Variants in MEIOSIN observed in about 807,000 individuals in gnomAD.
MEIOSIN encodes the protein meiosis initiator protein.
MEIOSIN carries 18 observed loss-of-function variants against 23.4 expected under a neutral mutation model. The ratio of observed to expected loss-of-function variants is 0.77; its 90% confidence interval spans 0.53 to 1.14. The LOEUF (loss-of-function observed/expected upper bound fraction) is 1.14, where lower values mean the gene tolerates loss of function less well. Among genes scored for constraint, MEIOSIN ranks in the 50% most tolerant of loss-of-function variants. The pLI, the probability that MEIOSIN is intolerant of heterozygous loss-of-function variation, is 0.00. For synonymous variants in MEIOSIN, 187 were observed against 100.6 expected, an observed-to-expected ratio of 1.86 and a Z score of -5.14; for missense variants, 428 against 242.9, an observed-to-expected ratio of 1.76 and a Z score of -5.07.
Position 45,758,406 on chromosome 19 carries a change from C to T in MEIOSIN, c.1013-472C>T, listed in dbSNP as rs745942430. On this transcript the variant is annotated intron_variant, in intron 9 of 14. Coordinates refer to ENST00000457052, the MANE Select transcript of MEIOSIN (RefSeq NM_001310124.2). ...TGGCCATCCCTGACATAATGCCAAA[C>T]ATCATTTTGCTTCATTTCTTCTTCT... 8.6e-5 allele frequency among the ~76,000 whole-genome samples: 13 copies of T among 151,740 alleles called. 1 individual carries two copies. Among genetic ancestry groups the T allele is most frequent in the Admixed American group, 2.6e-4 (4 of 15,204 alleles).
At chr19:45,756,988 G>T (rs1393762504) in intron 8 of MEIOSIN, among the ~76,000 whole-genome samples, 189 bp from the exon 9 acceptor site, 1 of 152,104 alleles carries the variant, frequency 6.6e-6, no homozygotes, top group African/African-American at 2.4e-5. Flanking sequence ...AGCGCCCTCG[G>T]TCACAGCACT....
chr19:45,759,532 G>A (rs946832055), intron 11 of MEIOSIN, 42 bp downstream of exon 11: 7 of 700,880 alleles, frequency 1.0e-5, no homozygotes, highest in Non-Finnish European at 1.8e-5. Context: ...ACATCCATCC[G>A]TCTTTCCACA....
chr19:45,747,785 CAG>C (rs1968621309), intron 4 of MEIOSIN, among the ~76,000 whole-genome samples: 1 of 152,072 alleles, frequency 6.6e-6, no homozygotes, highest in African/African-American at 2.4e-5. Context: ...GAAAGAGAGA[CAG>C]AGAGAAAGAG....
At position 45,761,919 on chromosome 19, in the gene MEIOSIN, C is replaced by T; in HGVS notation, c.1435-20C>T. The T allele has an allele frequency of 1.6e-6, 1 of 606,472 alleles. No individual in the cohort carries two copies. Among genetic ancestry groups the T allele is most frequent in the South Asian group, 1.9e-5 (1 of 53,110 alleles). 37.6% of individuals were successfully genotyped at this position (606,472 alleles called of 1,614,324 possible). A position where few individuals can be genotyped will look rare whatever the true frequency, so the allele number is the denominator to read the frequency against. ...CCAGCAGGGCCTCCTTCCTCTCTCA[C>T]CACCCTCTCCCTCCCCCAGGATATG... On this transcript the variant is annotated intron_variant, in intron 12 of 14. Coordinates refer to ENST00000457052, the MANE Select transcript of MEIOSIN (RefSeq NM_001310124.2).
chr19:45,763,311 C>T (rs1968986309), intron 13 of MEIOSIN, 27 bp from the exon 14 acceptor site: 1 of 398,786 alleles, frequency 2.5e-6, no homozygotes, highest in South Asian at 1.3e-4. Context: ...CAGACCTCTC[C>T]TTACCTCCTC....
At chr19:45,734,055 T>C (rs1306659258) in intron 1 of MEIOSIN, among the ~76,000 whole-genome samples, 1 of 152,080 alleles carries the variant, frequency 6.6e-6, no homozygotes, top group Non-Finnish European at 1.5e-5. Context: ...TGATGTAACA[T>C]TTTGAGAGTC....
chr19:45,761,568 C>G (rs1438167589), intron 11 of MEIOSIN, 111 bp from the exon 12 acceptor site: 1 of 594,268 alleles, frequency 1.7e-6, no homozygotes, highest in Admixed American at 2.6e-5. Flanking sequence ...CCACACCCTG[C>G]CAATCTGAGC....
At chr19:45,761,220 A>G (rs886478833) in intron 11 of MEIOSIN, among the ~76,000 whole-genome samples, 1 of 150,118 alleles carries the variant, frequency 6.7e-6, no homozygotes, top group African/African-American at 2.5e-5. Context: ...CGCCTCCTGG[A>G]TTTAAGCGAT....
rs747742446 is a variant in MEIOSIN at position 45,764,465 on chromosome 19, C to T, written c.*347C>T. 3.9e-5 allele frequency: 10 copies of T among 253,862 alleles called. No homozygotes were observed. Among genetic ancestry groups the T allele is most frequent in the Middle Eastern group, 2.3e-3 (2 of 874 alleles). The allele number at this position is 253,862 out of a possible 1,614,324, so 15.7% of individuals were successfully genotyped here. On this transcript the variant is annotated 3_prime_UTR_variant, in exon 15 of 15. Coordinates refer to ENST00000457052, the MANE Select transcript of MEIOSIN (RefSeq NM_001310124.2). ...TGTTCATGCTCACCTCACCCTACTCCTCCCTCTCCTGTTCTATTTTTAGAC... is the reference window on the plus strand; with the variant it reads ...TGTTCATGCTCACCTCACCCTACTCTTCCCTCTCCTGTTCTATTTTTAGAC...
chr19:45,761,563 C>T (rs747513525), intron 11 of MEIOSIN, 116 bp from the exon 12 acceptor site: 2 of 589,954 alleles, frequency 3.4e-6, no homozygotes, highest in East Asian at 2.9e-5. Flanking sequence ...AGCCACCACA[C>T]CCTGCCAATC....
intron 4 of MEIOSIN, among the ~76,000 whole-genome samples, 156 bp from the exon 5 acceptor site, chr19:45,750,519 C>T (rs1322159066): frequency 1.3e-5 from 2 of 152,030 alleles, no homozygotes; most frequent in African/African-American, 2.4e-5. Flanking sequence ...GCCACCACAC[C>T]CAGCTAATTT....
At chr19:45,746,816 G>A (rs1968603857) in intron 4 of MEIOSIN, among the ~76,000 whole-genome samples, 2 of 148,018 alleles carry the variant, frequency 1.4e-5, no homozygotes, top group African/African-American at 5.0e-5. Flanking sequence ...GCAAGACTCT[G>A]TCTCAAAAGA....
chr19:45,764,238 C>T lies in MEIOSIN; in HGVS notation c.*120C>T. ...CCTCCAGCCCCTGAGAATGCAGGTC[C>T]CATGGGACTGGGGAGGGGGGCACTG... On this transcript the variant is annotated 3_prime_UTR_variant, in exon 15 of 15. Coordinates refer to ENST00000457052, the MANE Select transcript of MEIOSIN (RefSeq NM_001310124.2). 2.5e-6 allele frequency: 1 copy of T among 397,764 alleles called. No homozygotes were observed. Among genetic ancestry groups the T allele is most frequent in the Non-Finnish European group, 4.4e-6 (1 of 225,874 alleles). The allele number at this position is 397,764 out of a possible 1,614,324, so 24.6% of individuals were successfully genotyped here. A position where few individuals can be genotyped will look rare whatever the true frequency, so the allele number is the denominator to read the frequency against.
intron 13 of MEIOSIN, among the ~76,000 whole-genome samples, chr19:45,762,917 G>A (rs1373990823): frequency 1.3e-5 from 2 of 152,204 alleles, no homozygotes; most frequent in African/African-American, 4.8e-5. Flanking sequence ...ACCCCAGGAG[G>A]CACAGGCTCG....
intron 8 of MEIOSIN, among the ~76,000 whole-genome samples, 173 bp from the exon 9 acceptor site, chr19:45,757,004 C>A (rs942200138): frequency 1.3e-5 from 2 of 152,170 alleles, no homozygotes; most frequent in South Asian, 4.1e-4. Flanking sequence ...GCACTGCTTA[C>A]GGGCTGGGCT....
At chr19:45,751,613 C>T (rs992919722) in intron 5 of MEIOSIN, among the ~76,000 whole-genome samples, 14 of 150,616 alleles carry the variant, frequency 9.3e-5, no homozygotes, top group Middle Eastern at 3.4e-3. Context: ...CTGCTCACTG[C>T]GACCTCTGCC....
chr19:45,734,333 G>A (rs1968373538), intron 1 of MEIOSIN, among the ~76,000 whole-genome samples: 1 of 152,082 alleles, frequency 6.6e-6, no homozygotes. Context: ...GGAGAAGTGA[G>A]ATTTGTTTCA....
At position 45,760,677 on chromosome 19, in the gene MEIOSIN, C is replaced by G. The variant is rs531563409; in HGVS notation, c.1246-1002C>G. On this transcript the variant is annotated intron_variant, in intron 11 of 14. Coordinates refer to ENST00000457052, the MANE Select transcript of MEIOSIN (RefSeq NM_001310124.2). ...GGCGTGGTGGCTCATGCCTATACTT[C>G]TAGCACTTTGGGAGGCTGAGGCGGG... Among the ~76,000 whole-genome samples the G allele has an allele frequency of 2.0e-4, 30 of 152,134 alleles. No homozygotes were observed. The South Asian group carries it at 6.0e-3, about 31-fold the overall frequency.
intron 3 of MEIOSIN, among the ~76,000 whole-genome samples, chr19:45,742,267 A>T (rs1968518717): frequency 6.6e-6 from 1 of 152,036 alleles, no homozygotes; most frequent in African/African-American, 2.4e-5. Context: ...TTGGCCTCTG[A>T]AGTGCTGGGA....
Sources: gnomAD v4.1 joint callset for allele counts (sites outside exome capture counted in the v4.1 genomes callset) on GRCh38, gnomAD v4.1.1 for gene constraint, MANE v1.5 for transcripts, NCBI Gene and HGNC (gene_info 2026-07-23, HGNC 2026-07-21) for gene names.